Variants in NKAIN2 observed in about 807,000 individuals in gnomAD.
NKAIN2 encodes the protein sodium/potassium-transporting ATPase subunit beta-1-interacting protein 2.
NKAIN2 carries 14 observed loss-of-function variants against 32.6 expected under a neutral mutation model. The ratio of observed to expected loss-of-function variants is 0.43; its 90% CI spans 0.28 to 0.67. The LOEUF is 0.67. Ranked by LOEUF, NKAIN2 falls within the 30% of genes least tolerant of loss-of-function variation. The pLI, the probability that NKAIN2 is intolerant of heterozygous loss-of-function variation, is 0.17. For synonymous variants in NKAIN2, 80 were observed against 87.2 expected (o/e 0.92, Z 0.46); for missense variants, 198 against 258.3 (o/e 0.77, Z 1.60).
At chr6:124,020,446 G>A (rs1197952274) in intron 1 of NKAIN2, among the ~76,000 whole-genome samples, 1 of 152,034 alleles carries the variant, frequency 6.6e-6, no homozygotes, top group Non-Finnish European at 1.5e-5. Flanking sequence ...TTCTGTGTTT[G>A]TACCTTCAGC....
intron 4 of NKAIN2, among the ~76,000 whole-genome samples, chr6:124,709,481 G>C (rs984659102): frequency 6.6e-6 from 1 of 151,742 alleles, no homozygotes; most frequent in African/African-American, 2.4e-5. Flanking sequence ...GACTCTTTAT[G>C]GTTGGTAAGC....
At chr6:124,406,966 G>A (rs181558317) in intron 3 of NKAIN2, among the ~76,000 whole-genome samples, 5 of 151,616 alleles carry the variant, frequency 3.3e-5, no homozygotes, top group South Asian at 2.1e-4. Context: ...ATGTATATTC[G>A]ATACAATTGC....
intron 1 of NKAIN2, among the ~76,000 whole-genome samples, chr6:123,991,033 AT>A: frequency 6.6e-6 from 1 of 152,232 alleles, no homozygotes; most frequent in Non-Finnish European, 1.5e-5. Context: ...GGTAATGATA[AT>A]TGATATCCAG....
chr6:124,789,984 T>C (rs984270774), intron 4 of NKAIN2, among the ~76,000 whole-genome samples: 16 of 151,950 alleles, frequency 1.1e-4, no homozygotes, highest in African/African-American at 3.6e-4. Flanking sequence ...TCCTCCAGGA[T>C]CTAAAAACAA....
intron 1 of NKAIN2, among the ~76,000 whole-genome samples, chr6:123,868,773 A>G (rs1015035849): frequency 3.9e-5 from 6 of 152,208 alleles, no homozygotes; most frequent in African/African-American, 1.4e-4. Flanking sequence ...AGAAATAATT[A>G]CTTTACCACA....
intron 3 of NKAIN2, among the ~76,000 whole-genome samples, chr6:124,467,364 A>G (rs965911490): frequency 2.0e-5 from 3 of 152,152 alleles, no homozygotes; most frequent in Non-Finnish European, 4.4e-5. Context: ...ATAGGACTAC[A>G]AACATTAAAT....
intron 1 of NKAIN2, among the ~76,000 whole-genome samples, chr6:124,156,582 T>C (rs1787997956): frequency 6.6e-6 from 1 of 152,082 alleles, no homozygotes. Context: ...GGGAGGATCA[T>C]CACACGGCAC....
At chr6:123,907,089 A>G (rs915036738) in intron 1 of NKAIN2, among the ~76,000 whole-genome samples, 9 of 152,148 alleles carry the variant, frequency 5.9e-5, no homozygotes, top group Non-Finnish European at 1.2e-4. Context: ...TGAAGATGTA[A>G]TATTTGACCA....
At chr6:124,817,523 A>T (rs1781219048) in intron 5 of NKAIN2, among the ~76,000 whole-genome samples, 1 of 152,116 alleles carries the variant, frequency 6.6e-6, no homozygotes, top group African/African-American at 2.4e-5. Context: ...AAGAGAGAAC[A>T]TCCCAAAAGA....
chr6:124,176,214 G>C (rs1277666651), intron 1 of NKAIN2, among the ~76,000 whole-genome samples: 2 of 152,158 alleles, frequency 1.3e-5, no homozygotes, highest in African/African-American at 4.8e-5. Flanking sequence ...GAGACACAAA[G>C]TGAGCACATG....
intron 1 of NKAIN2, among the ~76,000 whole-genome samples, chr6:124,221,144 T>G (rs1469729947): frequency 3.3e-5 from 5 of 151,682 alleles, no homozygotes; most frequent in Admixed American, 6.6e-5. Context: ...TAGCAAAGAC[T>G]TGGAACCAAC....
chr6:124,479,230 A>G (rs1183361547), intron 3 of NKAIN2, among the ~76,000 whole-genome samples: 1 of 152,144 alleles, frequency 6.6e-6, no homozygotes, highest in East Asian at 1.9e-4. Flanking sequence ...GTAGGTAAAA[A>G]CTAAGGAAAT....
chr6:123,941,051 C>A (rs958614090), intron 1 of NKAIN2, among the ~76,000 whole-genome samples: 1 of 151,292 alleles, frequency 6.6e-6, no homozygotes, highest in African/African-American at 2.4e-5. Context: ...TTATTTTTTA[C>A]TTTTTAAACT....
At chr6:124,087,576 A>G (rs994963915) in intron 1 of NKAIN2, among the ~76,000 whole-genome samples, 1 of 152,044 alleles carries the variant, frequency 6.6e-6, no homozygotes, top group Non-Finnish European at 1.5e-5. Context: ...AGTTGGTATG[A>G]CCATATAATG....
intron 3 of NKAIN2, among the ~76,000 whole-genome samples, chr6:124,412,693 T>C (rs991255451): frequency 2.0e-5 from 3 of 152,212 alleles, no homozygotes; most frequent in African/African-American, 7.2e-5. Context: ...CACTACTCTC[T>C]TCAAAGCTGT....
intron 1 of NKAIN2, among the ~76,000 whole-genome samples, chr6:124,065,722 A>G (rs1042063443): frequency 6.6e-6 from 1 of 152,142 alleles, no homozygotes; most frequent in Non-Finnish European, 1.5e-5. Context: ...AAGGAGCACA[A>G]ATGGATAAGA....
At chr6:124,358,643 TTTGAGTTCATTG>T (rs1799109428) in intron 3 of NKAIN2, among the ~76,000 whole-genome samples, 1 of 152,204 alleles carries the variant, frequency 6.6e-6, no homozygotes, top group Non-Finnish European at 1.5e-5. Flanking sequence ...TGTAAATTTG[TTTGAGTTCATTG>T]TAGATTCTGG....
At chr6:124,026,184 G>C (rs902257028) in intron 1 of NKAIN2, among the ~76,000 whole-genome samples, 1 of 152,058 alleles carries the variant, frequency 6.6e-6, no homozygotes. Context: ...ATTTTTGAAG[G>C]TTCCTGTGTT....
At chr6:124,181,607 A>G (rs1789450205) in intron 1 of NKAIN2, among the ~76,000 whole-genome samples, 1 of 152,146 alleles carries the variant, frequency 6.6e-6, no homozygotes, top group Non-Finnish European at 1.5e-5. Context: ...GCTGCTTAGA[A>G]ATTTCTTCCA....
Sources: gnomAD v4.1 joint callset for allele counts (sites outside exome capture counted in the v4.1 genomes callset) on GRCh38, gnomAD v4.1.1 for gene constraint, MANE v1.5 for transcripts, NCBI Gene and HGNC (gene_info 2026-07-23, HGNC 2026-07-21) for gene names.